RUBCNL: variants seen among roughly 807,000 people sequenced by gnomAD.
RUBCNL encodes the protein rubicon like autophagy enhancer.
Under a neutral mutation model 69.5 loss-of-function variants are expected in RUBCNL, and 62 were observed. The ratio of observed to expected loss-of-function variants is 0.89; its 90% CI spans 0.73 to 1.10. RUBCNL has a LOEUF of 1.10. Ranked by LOEUF, RUBCNL falls within the 50% of genes least tolerant of loss-of-function variation. RUBCNL has a pLI of 0.00. For missense variants in RUBCNL, 768 were observed against 798.1 expected, an observed-to-expected ratio of 0.96 and a Z score of 0.45; for synonymous variants, 291 against 303.6, an observed-to-expected ratio of 0.96 and a Z score of 0.43.
upstream of RUBCNL, chr13:46,389,807 T>G (rs2138876889): frequency 6.6e-6 from 1 of 152,384 alleles, no homozygotes; most frequent in East Asian, 1.9e-4. This position sits in a 1 kb window ranked among gnomAD's most constrained non-coding sequence, Gnocchi z 4.2. Context: ...CTGTCCCCTC[T>G]GGGATCTGGA....
intron 10 of RUBCNL, among the ~76,000 whole-genome samples, chr13:46,355,925 T>C (rs1015789236): frequency 6.6e-6 from 1 of 152,010 alleles, no homozygotes; most frequent in Non-Finnish European, 1.5e-5. Context: ...TAAGAAAATA[T>C]TGTGCAAGAA....
In RUBCNL at chr13:46,361,468, T is replaced by C. The variant is rs2138747271; in HGVS notation, c.1092A>G (p.Ala364=). Residue 364 remains alanine (A), a synonymous_variant, in exon 8 of 15, where the codon GCA becomes GCG. Transcript: ENST00000429979. ...WILSVVNSQL[A]GSLSAAGSIV... Reference sequence around the variant, plus strand: ...TCGAGCCAGCTGCACTCAGGGAACCTGCCAGCTGAGAATTAACTACTGACA... The same window carrying C: ...TCGAGCCAGCTGCACTCAGGGAACCCGCCAGCTGAGAATTAACTACTGACA... 1 of 1,613,970 alleles carries C rather than the reference T, an allele frequency of 6.2e-7. No individual in the cohort carries two copies. The highest frequency in any genetic ancestry group is 1.1e-5 in the South Asian group (1 of 91,074).
intron 3 of RUBCNL, among the ~76,000 whole-genome samples, chr13:46,369,848 T>C (rs1408718465): frequency 2.6e-5 from 4 of 152,208 alleles, no homozygotes; most frequent in African/African-American, 9.7e-5. Context: ...GTCATTCAAA[T>C]CCCTTGCTTC....
chr13:46,346,962 G>A (rs1182827590), intron 12 of RUBCNL, among the ~76,000 whole-genome samples: 1 of 151,946 alleles, frequency 6.6e-6, no homozygotes, highest in Non-Finnish European at 1.5e-5. Context: ...GCCCTATTAC[G>A]AACACCTAGA....
In RUBCNL at chr13:46,376,518, C is replaced by T. The variant is rs568103248; in HGVS notation, c.-123+1372G>A. Among the ~76,000 whole-genome samples, 14 of 152,268 alleles carry T rather than the reference C, an allele frequency of 9.2e-5. No individual in the cohort carries two copies. In the South Asian group the frequency reaches 2.9e-3, roughly 32 times the overall value. On this transcript the variant is annotated intron_variant, in intron 2 of 14. Coordinates refer to ENST00000429979, the MANE Select transcript of RUBCNL (RefSeq NM_025113.5). ...AGCCCAAGATGCCTATCTTCCTTCT[C>T]CTGACCTCAAATCCCACCTTGTGCA...
intron 8 of RUBCNL, among the ~76,000 whole-genome samples, chr13:46,360,866 G>A (rs1594154101): frequency 6.6e-6 from 1 of 152,146 alleles, no homozygotes; most frequent in African/African-American, 2.4e-5. Context: ...GGGAGGCTGG[G>A]CCCACCACTT....
At chr13:46,374,502 T>C (rs751532070) in intron 2 of RUBCNL, 3 of 152,234 alleles carry the variant, frequency 2.0e-5, no homozygotes, top group South Asian at 2.1e-4. Flanking sequence ...ATCCATTTAA[T>C]ATATTGTCCT....
At chr13:46,370,849 A>G (rs1347393889) in intron 3 of RUBCNL, among the ~76,000 whole-genome samples, 1 of 151,486 alleles carries the variant, frequency 6.6e-6, no homozygotes, top group East Asian at 1.9e-4. Flanking sequence ...TCTCTCACTT[A>G]GCCACTACTA....
At chr13:46,380,637 G>T in intron 1 of RUBCNL, among the ~76,000 whole-genome samples, 1 of 152,022 alleles carries the variant, frequency 6.6e-6, no homozygotes, top group East Asian at 1.9e-4. Flanking sequence ...CTGGACAATT[G>T]TTCACAAAAT....
chr13:46,374,207 T>C (rs1369096311), intron 2 of RUBCNL, among the ~76,000 whole-genome samples: 1 of 152,196 alleles, frequency 6.6e-6, no homozygotes, highest in African/African-American at 2.4e-5. Flanking sequence ...GCCTCCCAAG[T>C]AGCTGGGATT....
intron 1 of RUBCNL, among the ~76,000 whole-genome samples, chr13:46,386,516 T>C (rs976835790): frequency 6.7e-6 from 1 of 150,236 alleles, no homozygotes; most frequent in Admixed American, 6.7e-5. Flanking sequence ...GCAGGGGATC[T>C]GTATCAGTCT....
chr13:46,344,306 C>T (rs1349160717), intron 14 of RUBCNL, among the ~76,000 whole-genome samples: 5 of 152,166 alleles, frequency 3.3e-5, no homozygotes, highest in Admixed American at 2.0e-4. Flanking sequence ...ACAGAAGGGT[C>T]GGCAACCTTT....
intron 6 of RUBCNL, among the ~76,000 whole-genome samples, 170 bp from the exon 7 acceptor site, chr13:46,362,768 C>A (rs1444643883): frequency 1.3e-5 from 2 of 151,222 alleles, no homozygotes; most frequent in Non-Finnish European, 2.9e-5. Context: ...AATGAGAGGA[C>A]AGATAATGAT....
intron 1 of RUBCNL, among the ~76,000 whole-genome samples, chr13:46,379,296 G>A (rs1322202845): frequency 1.1e-4 from 16 of 151,982 alleles, no homozygotes; most frequent in African/African-American, 2.4e-4. Flanking sequence ...GGCTGGTCTC[G>A]AACTCCTGAT....
At chr13:46,376,358 T>C (rs1037471748) in intron 2 of RUBCNL, among the ~76,000 whole-genome samples, 1 of 152,150 alleles carries the variant, frequency 6.6e-6, no homozygotes, top group African/African-American at 2.4e-5. Context: ...TATATTAATA[T>C]ATAAATGCAT....
chr13:46,348,148 A>G (rs2048288764), intron 12 of RUBCNL, among the ~76,000 whole-genome samples: 1 of 152,210 alleles, frequency 6.6e-6, no homozygotes, highest in East Asian at 1.9e-4. Context: ...GGAGACAGAA[A>G]GTAGAATAGT....
At chr13:46,364,809 A>G (rs2048713518) in intron 5 of RUBCNL, among the ~76,000 whole-genome samples, 1 of 152,038 alleles carries the variant, frequency 6.6e-6, no homozygotes, top group Non-Finnish European at 1.5e-5. Flanking sequence ...GTACTTAATA[A>G]AAGATAAATA....
intron 6 of RUBCNL, among the ~76,000 whole-genome samples, 168 bp downstream of exon 6, chr13:46,362,947 T>TATATATATATATATAC (rs2048656930): frequency 1.6e-5 from 1 of 62,026 alleles, no homozygotes; most frequent in South Asian, 4.3e-4. Flanking sequence ...TAGATATATA[T>TATATATATATATATAC]ATATATATAT....
chr13:46,355,707 A>T (rs577869167), intron 10 of RUBCNL, among the ~76,000 whole-genome samples: 22 of 152,336 alleles, frequency 1.4e-4, no homozygotes, highest in East Asian at 1.3e-3. Flanking sequence ...CCATTCCTTT[A>T]CTCAACAAAT....
Sources: gnomAD v4.1 joint callset for allele counts (sites outside exome capture counted in the v4.1 genomes callset) on GRCh38, gnomAD v4.1.1 for gene constraint, Gnocchi (gnomAD v3.1) non-coding constraint, MANE v1.5 for transcripts, NCBI Gene and HGNC (gene_info 2026-07-23, HGNC 2026-07-21) for gene names.